The following XYLT1 variants were observed in gnomAD, a reference collection of about 807,000 sequenced individuals.
XYLT1 encodes xylosyltransferase 1.
In XYLT1, 36 loss-of-function variants were observed where a neutral mutation model predicts 91.3. The observed-to-expected ratio is 0.39, with a 90% confidence interval of 0.30 to 0.52. The LOEUF (loss-of-function observed/expected upper bound fraction) is 0.52. Among genes scored for constraint, XYLT1 ranks in the 20% least tolerant of loss-of-function variants. The probability of loss-of-function intolerance (pLI) is 0.68; values close to 1 mark genes in which losing one functional copy is unlikely to be tolerated. For missense variants in XYLT1, 1,242 were observed against 1,284.5 expected (o/e 0.97, Z 0.51); for synonymous variants, 588 against 532.0 (o/e 1.11, Z -1.45).
chr16:17,299,278 T>A (rs916354975), intron 2 of XYLT1, among the ~76,000 whole-genome samples: 2 of 152,250 alleles, frequency 1.3e-5, no homozygotes, highest in African/African-American at 4.8e-5. Flanking sequence ...CTGGCCACCA[T>A]GTTTCATCAG....
chr16:17,118,264 C>A lies in XYLT1; in HGVS notation c.2224-285G>T, dbSNP rs1010534381. ...CTTTGAAAAGAAAACCACACATGAGCTGAATGAGTGAATGAATGAACGAAT... is the reference window on the plus strand; with the variant it reads ...CTTTGAAAAGAAAACCACACATGAGATGAATGAGTGAATGAATGAACGAAT... On this transcript the variant is annotated intron_variant, in intron 10 of 11. Transcript: ENST00000261381. Among the ~76,000 whole-genome samples, 4 of 86,424 alleles carry A rather than the reference C, an allele frequency of 4.6e-5. No individual in the cohort carries two copies. In the Admixed American group the frequency reaches 5.8e-4, roughly 12 times the overall value. The allele number at this position is 86,424 out of a possible 152,430, so 56.7% of individuals were successfully genotyped here.
chr16:17,333,042 C>CT lies in XYLT1; in HGVS notation c.402+24969dup, dbSNP rs200716834. 5.3e-3 allele frequency among the ~76,000 whole-genome samples: 798 copies of CT among 149,918 alleles called. 11 individuals are homozygous for CT. The highest frequency in any genetic ancestry group is 0.018 in the African/African-American group (738 of 40,918). On this transcript the variant is annotated intron_variant, in intron 2 of 11. Transcript: ENST00000261381. ...ACCAGAACCATCAATTAACTCAAAT[C>CT]TTTTTTTTTTCTTCCCTCTCAGGAG...
intron 1 of XYLT1, among the ~76,000 whole-genome samples, chr16:17,412,416 AAT>A (rs1474232421): frequency 1.3e-5 from 2 of 151,922 alleles, no homozygotes; most frequent in Non-Finnish European, 2.9e-5. Flanking sequence ...AGGATTCCAG[AAT>A]TCTGGGCTTA....
At chr16:17,247,115 A>T (rs1252516863) in intron 3 of XYLT1, among the ~76,000 whole-genome samples, 18 of 152,046 alleles carry the variant, frequency 1.2e-4, no homozygotes, top group Admixed American at 1.2e-3. Context: ...AGAGATAGCT[A>T]GTCTTTTCAC....
intron 2 of XYLT1, among the ~76,000 whole-genome samples, chr16:17,349,691 G>A (rs546308684): frequency 2.7e-5 from 4 of 150,518 alleles, no homozygotes; most frequent in Middle Eastern, 3.4e-3. Context: ...CTTCCCATAA[G>A]AGATAGTTGT....
intron 2 of XYLT1, among the ~76,000 whole-genome samples, chr16:17,315,863 G>A (rs72779663): frequency 0.061 from 9,205 of 152,092 alleles, 402 homozygotes; most frequent in Middle Eastern, 0.095. Context: ...ATCATGCCTC[G>A]GCAAGTCCCT....
rs141194867 is a variant in XYLT1, at chr16:17,334,347, C to A, written c.402+23665G>T. Among the ~76,000 whole-genome samples, 417 of 152,276 alleles carry A rather than the reference C, an allele frequency of 2.7e-3. 1 individual carries two copies. The highest frequency in any genetic ancestry group is 9.6e-3 in the African/African-American group (397 of 41,552). ...TGGGCTTACACGGGTCTATGACGTC[C>A]TGGAGTACAGACTGCCAAGTCCCTT... On this transcript the variant is annotated intron_variant, in intron 2 of 11. Transcript: ENST00000261381.
chr16:17,234,597 TTG>T (rs2033217669), intron 3 of XYLT1, among the ~76,000 whole-genome samples: 1 of 151,992 alleles, frequency 6.6e-6, no homozygotes. Context: ...TTTTTTTTTT[TTG>T]GCATTTCTAA....
intron 1 of XYLT1, among the ~76,000 whole-genome samples, chr16:17,408,257 CTAAG>C (rs1407659123): frequency 2.0e-5 from 3 of 152,156 alleles, no homozygotes; most frequent in Non-Finnish European, 4.4e-5. Context: ...AAAGTGCATG[CTAAG>C]TAAGTGCAGT....
chr16:17,162,948 G>C (rs2031590199), intron 5 of XYLT1, among the ~76,000 whole-genome samples: 1 of 152,196 alleles, frequency 6.6e-6, no homozygotes, highest in African/African-American at 2.4e-5. Context: ...TAGGTCTTGA[G>C]AGTATTAAAT....
chr16:17,334,410 G>A (rs2034947374), intron 2 of XYLT1, among the ~76,000 whole-genome samples: 1 of 152,026 alleles, frequency 6.6e-6, no homozygotes, highest in South Asian at 2.1e-4. Context: ...GAAAGTGACT[G>A]CAGTAAGAGC....
rs530369294 is a variant in XYLT1, at chr16:17,348,200, C to T, written c.402+9812G>A. ...CACCCAACATGTTTCATCTTGCTAA[C>T]ACCCAACATGGAGACAGCAGGAGGA... On this transcript the variant is annotated intron_variant, in intron 2 of 11. Coordinates refer to ENST00000261381, the MANE Select transcript of XYLT1 (RefSeq NM_022166.4). Among the ~76,000 whole-genome samples the T allele has an allele frequency of 1.2e-3, 190 of 152,250 alleles. 1 individual carries two copies. The highest frequency in any genetic ancestry group is 1.8e-3 in the Non-Finnish European group (124 of 68,008).
intron 3 of XYLT1, among the ~76,000 whole-genome samples, chr16:17,210,976 T>C (rs1409652437): frequency 6.6e-6 from 1 of 152,204 alleles, no homozygotes; most frequent in Non-Finnish European, 1.5e-5. Context: ...CTGAATGCCA[T>C]TGTTTTTGTT....
intron 3 of XYLT1, among the ~76,000 whole-genome samples, chr16:17,252,028 G>T (rs1238402170): frequency 6.6e-6 from 1 of 152,092 alleles, no homozygotes; most frequent in Non-Finnish European, 1.5e-5. Context: ...CACCATCAAA[G>T]AAACCCTTTT....
chr16:17,136,071 T>C (rs61474623), intron 8 of XYLT1, among the ~76,000 whole-genome samples: 1,877 of 152,300 alleles, frequency 0.012, 38 homozygotes, highest in African/African-American at 0.042. Flanking sequence ...ACTGTTTTCA[T>C]GGTGGTAGAT....
chr16:17,446,012 G>A (rs1447061675), intron 1 of XYLT1: 6 of 152,224 alleles, frequency 3.9e-5, no homozygotes, highest in East Asian at 1.9e-4. Context: ...CTCGGGCCAC[G>A]GTGGTCGGTC....
chr16:17,413,650 C>T (rs1476659715), intron 1 of XYLT1, among the ~76,000 whole-genome samples: 1 of 152,010 alleles, frequency 6.6e-6, no homozygotes, highest in Admixed American at 6.6e-5. Flanking sequence ...GTTGCTCAGG[C>T]CGGTCTTGAA....
intron 1 of XYLT1, among the ~76,000 whole-genome samples, chr16:17,410,645 C>CCTTTTTTTT (rs1555454985): frequency 4.3e-5 from 4 of 93,036 alleles, no homozygotes; most frequent in Non-Finnish European, 2.4e-5. Context: ...CCTGTCATTA[C>CCTTTTTTTT]TTTTTTTTTT....
intron 2 of XYLT1, among the ~76,000 whole-genome samples, chr16:17,271,594 CTT>C (rs937873472): frequency 1.3e-5 from 2 of 152,188 alleles, no homozygotes; most frequent in Non-Finnish European, 2.9e-5. Context: ...CTGGATAACT[CTT>C]TGTTTTAGGG....
Sources: gnomAD v4.1 joint callset for allele counts (sites outside exome capture counted in the v4.1 genomes callset) on GRCh38, gnomAD v4.1.1 for gene constraint, MANE v1.5 for transcripts, NCBI Gene and HGNC (gene_info 2026-07-23, HGNC 2026-07-21) for gene names.